PDE11A: variants seen among roughly 807,000 people sequenced by gnomAD.
PDE11A encodes the protein phosphodiesterase 11A.
A neutral mutation model predicts 100.5 loss-of-function variants in PDE11A; 100 were observed. That is an observed-to-expected ratio of 1.00 (90% CI 0.85 to 1.18). PDE11A has a LOEUF of 1.18. Among genes scored for constraint, PDE11A ranks in the 50% most tolerant of loss-of-function variants. The pLI, the probability that PDE11A is intolerant of heterozygous loss-of-function variation, is 0.00. For missense variants in PDE11A, 1,141 were observed against 1,152.6 expected (o/e 0.99, Z 0.15); for synonymous variants, 381 against 420.8 (o/e 0.91, Z 1.16).
chr2:178,092,500 A>G (rs1237401136), intron 2 of PDE11A: 3 of 152,228 alleles, frequency 2.0e-5, no homozygotes, highest in African/African-American at 4.8e-5. Context: ...CATATTTCCG[A>G]AGTGAAGATG....
chr2:178,090,978 G>C (rs1337813223), intron 2 of PDE11A, among the ~76,000 whole-genome samples: 2 of 152,168 alleles, frequency 1.3e-5, no homozygotes, highest in African/African-American at 4.8e-5. Context: ...AGATTTAATG[G>C]AACCGTCTGG....
intron 2 of PDE11A, among the ~76,000 whole-genome samples, chr2:177,928,746 C>T (rs1245045655): frequency 6.6e-6 from 1 of 151,816 alleles, no homozygotes; most frequent in East Asian, 1.9e-4. Context: ...GCCTGTGGTC[C>T]CAGCTACTTG....
upstream of PDE11A, chr2:178,073,195 C>T (rs1050472003): frequency 2.4e-5 from 11 of 452,496 alleles, no homozygotes; most frequent in Non-Finnish European, 2.6e-5. Flanking sequence ...CCCTCAGAGA[C>T]AGGCAGGGTT....
chr2:178,088,676 A>G (rs951235343), intron 2 of PDE11A, among the ~76,000 whole-genome samples: 1 of 152,252 alleles, frequency 6.6e-6, no homozygotes, highest in African/African-American at 2.4e-5. Flanking sequence ...CAGTGTTCCT[A>G]TATAATCATC....
intron 13 of PDE11A, 56 bp from the exon 14 acceptor site, chr2:177,701,267 G>T: frequency 1.2e-6 from 1 of 862,264 alleles, no homozygotes; most frequent in Non-Finnish European, 2.0e-6. Flanking sequence ...CCCCACACCA[G>T]CTTTTTGGAT....
At chr2:177,683,538 A>G (rs2080897838) in intron 15 of PDE11A, 1 of 152,160 alleles carries the variant, frequency 6.6e-6, no homozygotes, top group South Asian at 2.1e-4. Flanking sequence ...AGGCCTCCGG[A>G]AGTTTGCGCT....
chr2:177,829,685 C>T (rs1345798887), intron 6 of PDE11A, among the ~76,000 whole-genome samples: 5 of 151,694 alleles, frequency 3.3e-5, no homozygotes, highest in East Asian at 3.9e-4. Flanking sequence ...ATCTCCTGAC[C>T]TTGTGATCCG....
At chr2:177,649,572 A>T (rs967097981) in intron 19 of PDE11A, among the ~76,000 whole-genome samples, 2 of 152,250 alleles carry the variant, frequency 1.3e-5, no homozygotes, top group African/African-American at 4.8e-5. Context: ...ATGCACTTAC[A>T]CATAGATACA....
At chr2:177,723,165 G>A (rs909918945) in intron 12 of PDE11A, 4 of 152,082 alleles carry the variant, frequency 2.6e-5, no homozygotes, top group African/African-American at 7.2e-5. Context: ...GACTTTTCTG[G>A]AAACTGCAGT....
intron 9 of PDE11A, among the ~76,000 whole-genome samples, chr2:177,780,695 T>C (rs2082442307): frequency 1.3e-5 from 2 of 152,240 alleles, no homozygotes; most frequent in Admixed American, 1.3e-4. Flanking sequence ...CACACTTTTA[T>C]GTTTTGGAGA....
chr2:177,866,203 A>G (rs2084026763), intron 5 of PDE11A, among the ~76,000 whole-genome samples: 1 of 151,844 alleles, frequency 6.6e-6, no homozygotes, highest in South Asian at 2.1e-4. Context: ...CCTCATCAGG[A>G]AGTATAGCTG....
chr2:177,843,815 T>C (rs1426829884), intron 5 of PDE11A, among the ~76,000 whole-genome samples: 1 of 152,170 alleles, frequency 6.6e-6, no homozygotes, highest in Non-Finnish European at 1.5e-5. Context: ...AAATTTCAAA[T>C]GAAAAATTTT....
At chr2:177,669,368 A>C in intron 18 of PDE11A, 125 bp downstream of exon 18, 2 of 668,150 alleles carry the variant, frequency 3.0e-6, no homozygotes, top group Non-Finnish European at 5.5e-6. Flanking sequence ...TTAAGGTTTT[A>C]AACTTTCAGG....
intron 9 of PDE11A, among the ~76,000 whole-genome samples, chr2:177,793,456 G>A (rs1258922136): frequency 1.3e-5 from 2 of 150,202 alleles, no homozygotes; most frequent in Non-Finnish European, 3.0e-5. Flanking sequence ...GGGCAAGAGT[G>A]GATGTGGGAG....
chr2:177,913,798 T>TA (rs1197469141), intron 2 of PDE11A, among the ~76,000 whole-genome samples: 1 of 152,232 alleles, frequency 6.6e-6, no homozygotes, highest in Non-Finnish European at 1.5e-5. Flanking sequence ...CCATTGTTTC[T>TA]AATTTTTCTT....
chr2:177,920,806 T>C (rs1377002135), intron 2 of PDE11A, among the ~76,000 whole-genome samples: 2 of 152,154 alleles, frequency 1.3e-5, no homozygotes, highest in Non-Finnish European at 2.9e-5. Flanking sequence ...CTCATGCCTG[T>C]AATCCCAGAA....
chr2:177,963,253 T>C (rs2085657686), intron 2 of PDE11A, among the ~76,000 whole-genome samples: 1 of 152,198 alleles, frequency 6.6e-6, no homozygotes, highest in South Asian at 2.1e-4. Context: ...AACACCAATA[T>C]TTCTGTATCT....
intron 2 of PDE11A, among the ~76,000 whole-genome samples, chr2:177,910,809 C>G (rs1040784937): frequency 1.3e-5 from 2 of 152,146 alleles, no homozygotes; most frequent in African/African-American, 4.8e-5. Context: ...CAAAAAAAGA[C>G]AGTAGGTAGC....
chr2:177,930,061 C>G (rs1472179956), intron 2 of PDE11A, among the ~76,000 whole-genome samples: 1 of 152,140 alleles, frequency 6.6e-6, no homozygotes, highest in Non-Finnish European at 1.5e-5. Context: ...GCAGTTAATA[C>G]TTTAGATTTC....
Sources: allele counts gnomAD v4.1 joint callset (sites outside exome capture counted in the v4.1 genomes callset), GRCh38; gene constraint gnomAD v4.1.1; transcripts MANE v1.5; gene names NCBI Gene and HGNC (gene_info 2026-07-23, HGNC 2026-07-21).